Variants in PDE6A observed in about 807,000 individuals in gnomAD.
PDE6A encodes phosphodiesterase 6A, also known as rod cGMP-specific 3',5'-cyclic phosphodiesterase subunit alpha.
Under a neutral mutation model 106.3 loss-of-function variants are expected in PDE6A, and 84 were observed. The ratio of observed to expected loss-of-function variants is 0.79; its 90% CI spans 0.66 to 0.95. PDE6A has a LOEUF of 0.95. Among genes scored for constraint, PDE6A ranks in the 40% least tolerant of loss-of-function variants. PDE6A has a pLI of 0.00. For missense variants in PDE6A, 1,052 were observed against 1,084.9 expected (o/e 0.97, Z 0.43); for synonymous variants, 394 against 386.6 (o/e 1.02, Z -0.23).
intron 1 of PDE6A, among the ~76,000 whole-genome samples, chr5:149,942,516 C>T (rs1264341253): frequency 1.3e-5 from 2 of 151,950 alleles, no homozygotes; most frequent in Non-Finnish European, 2.9e-5. Flanking sequence ...GGGTATTTCT[C>T]GTCAGGTGGG....
intron 8 of PDE6A, among the ~76,000 whole-genome samples, chr5:149,900,366 A>AATATATATCTAT (rs1256037154): frequency 7.8e-5 from 1 of 12,778 alleles, no homozygotes; most frequent in Non-Finnish European, 2.0e-4. Context: ...CATCTCGAAA[A>AATATATATCTAT]ATATATATGT....
intron 1 of PDE6A, among the ~76,000 whole-genome samples, chr5:149,936,330 G>A (rs1754184938): frequency 6.6e-6 from 1 of 152,196 alleles, no homozygotes; most frequent in Admixed American, 6.5e-5. Flanking sequence ...ATTAAGAGAA[G>A]CTTGTAGTGC....
chr5:149,904,948 T>C (rs775714395), intron 7 of PDE6A, among the ~76,000 whole-genome samples: 1 of 152,120 alleles, frequency 6.6e-6, no homozygotes, highest in Non-Finnish European at 1.5e-5. Flanking sequence ...TCGTTACCCA[T>C]CCACTACTCA....
At chr5:149,890,994 T>C (rs186012354) in intron 13 of PDE6A, among the ~76,000 whole-genome samples, 19 of 152,334 alleles carry the variant, frequency 1.2e-4, no homozygotes, top group Non-Finnish European at 2.1e-4. Context: ...GAAATGAAAT[T>C]GGTATTTAAA....
Position 149,884,487 on chromosome 5 carries a change from C to T in PDE6A, c.2019G>A (p.Leu673=). 1 of 1,609,030 alleles carries T rather than the reference C, an allele frequency of 6.2e-7. No homozygotes were observed. Among genetic ancestry groups the T allele is most frequent in the Non-Finnish European group, 8.5e-7 (1 of 1,175,716 alleles). Residue 673 remains leucine (L), a synonymous_variant, in exon 16 of 22, where the codon CTG becomes CTA. Transcript: ENST00000255266. The part of the protein sequence containing the change: ...DIAIIATDLA[L]YFKKRTMFQK... ...TGAGAAGATATACCAACTTGAAATA[C>T]AGGGCGAGGTCTGTGGCAATGATTG...
chr5:149,903,669 C>T lies in PDE6A; in HGVS notation c.1092G>A (p.Ala364=), dbSNP rs774836540. ...TTACCTGAAATGCAAAAAAGTCCTC[C>T]GCAGGCGCATTCATGATGTTGCAAA... The part of the protein sequence containing the change: ...GLICNIMNAP[A]EDFFAFQKEP... The change falls in exon 8 of 22, where the codon GCG becomes GCA. Residue 364 remains alanine (A), a synonymous_variant. Coordinates refer to ENST00000255266, the MANE Select transcript of PDE6A (RefSeq NM_000440.3). 72 of 1,613,818 alleles carry T rather than the reference C, an allele frequency of 4.5e-5. No individual in the cohort carries two copies. The highest frequency in any genetic ancestry group is 1.6e-4 in the South Asian group (15 of 91,076).
intron 17 of PDE6A, among the ~76,000 whole-genome samples, chr5:149,880,088 C>T (rs543249316): frequency 2.6e-5 from 4 of 152,164 alleles, no homozygotes; most frequent in Non-Finnish European, 4.4e-5. Flanking sequence ...CATTATTACT[C>T]TTCCATGTCA....
chr5:149,861,364 G>C (rs868132086), intron 21 of PDE6A, among the ~76,000 whole-genome samples: 12 of 152,230 alleles, frequency 7.9e-5, no homozygotes, highest in African/African-American at 2.9e-4. Flanking sequence ...AGAAAGAAAA[G>C]CTGGGCCAGG....
At chr5:149,885,310 C>T (rs557259882) in intron 14 of PDE6A, among the ~76,000 whole-genome samples, 1 of 152,342 alleles carries the variant, frequency 6.6e-6, no homozygotes, top group South Asian at 2.1e-4. Context: ...TGAGAAGACT[C>T]AGCAGCATGA....
At chr5:149,923,035 C>T (rs1753765553) in intron 4 of PDE6A, among the ~76,000 whole-genome samples, 1 of 152,138 alleles carries the variant, frequency 6.6e-6, no homozygotes, top group South Asian at 2.1e-4. Flanking sequence ...AGACAAATGC[C>T]CTATTGTAAC....
intron 6 of PDE6A, among the ~76,000 whole-genome samples, chr5:149,914,580 G>A (rs185406296): frequency 7.4e-5 from 11 of 149,558 alleles, no homozygotes; most frequent in Admixed American, 2.0e-4. Context: ...AGAGGTAAAC[G>A]CCAATTTCCC....
At position 149,931,158 on chromosome 5, in the gene PDE6A, C is replaced by T; in HGVS notation, c.728G>A (p.Trp243Ter). The stretch of plus-strand genomic sequence containing the variant: ...TTCTTCAAAGACTTTGCTCCCAGAC[C>T]ACAGCAGTATCTGAAAAAACACAAA... ...CETRRGQILL[W>*]SGSKVFEELT... Residue 243 changes from tryptophan to a stop codon, truncating the protein, a stop_gained, in exon 4 of 22, where the codon TGG (tryptophan) becomes TAG (stop). Coordinates refer to ENST00000255266, the MANE Select transcript of PDE6A (RefSeq NM_000440.3). LOFTEE classifies it high-confidence loss of function. The T allele has an allele frequency of 5.6e-6, 9 of 1,614,086 alleles. No individual in the cohort carries two copies. The highest frequency in any genetic ancestry group is 7.6e-6 in the Non-Finnish European group (9 of 1,180,014).
chr5:149,866,338 T>C (rs1248445793), intron 19 of PDE6A, 85 bp from the exon 20 acceptor site: 1 of 953,976 alleles, frequency 1.0e-6, no homozygotes, highest in Non-Finnish European at 1.7e-6. Flanking sequence ...AAAATCAAAC[T>C]GTAAACTCAT....
intron 8 of PDE6A, among the ~76,000 whole-genome samples, chr5:149,902,179 TC>T (rs1042629630): frequency 6.6e-5 from 10 of 152,184 alleles, no homozygotes; most frequent in African/African-American, 2.4e-4. Flanking sequence ...TGCCAGTCTC[TC>T]CCTCAATTTC....
chr5:149,930,253 A>G (rs975970289), intron 4 of PDE6A, among the ~76,000 whole-genome samples: 1 of 152,024 alleles, frequency 6.6e-6, no homozygotes, highest in Non-Finnish European at 1.5e-5. Context: ...GGCTTTTCCA[A>G]CCCCAGATTC....
At chr5:149,929,901 G>A (rs1416684713) in intron 4 of PDE6A, among the ~76,000 whole-genome samples, 3 of 152,072 alleles carry the variant, frequency 2.0e-5, no homozygotes, top group African/African-American at 7.2e-5. Flanking sequence ...TCCCTTTTCT[G>A]TGTCTACGTT....
intron 4 of PDE6A, among the ~76,000 whole-genome samples, chr5:149,924,612 A>G (rs897005811): frequency 6.6e-6 from 1 of 152,344 alleles, no homozygotes; most frequent in East Asian, 1.9e-4. Context: ...ACTTCTGTTC[A>G]TGATGACTCG....
intron 17 of PDE6A, among the ~76,000 whole-genome samples, chr5:149,875,302 A>G (rs921853214): frequency 6.6e-6 from 1 of 152,090 alleles, no homozygotes; most frequent in Non-Finnish European, 1.5e-5. Context: ...GCCAGCCCCA[A>G]ATGTCAACAG....
At position 149,899,441 on chromosome 5, in the gene PDE6A, T is replaced by C. The variant is rs773111348; in HGVS notation, c.1197A>G (p.Gly399=). ...CTTTACGATTGTAAAATGTGGCCAC[T>C]CCAACAATTTCTTCCTTCTTGTTCA... The part of the protein sequence containing the change: ...PIVNKKEEIV[G]VATFYNRKDG... Residue 399 remains glycine (G), a synonymous_variant, in exon 9 of 22, where the codon GGA becomes GGG. Coordinates refer to ENST00000255266, the MANE Select transcript of PDE6A (RefSeq NM_000440.3). 1.2e-6 allele frequency: 2 copies of C among 1,614,078 alleles called. No homozygotes were observed. Among genetic ancestry groups the C allele is most frequent in the South Asian group, 1.1e-5 (1 of 91,080 alleles).
Sources: gnomAD v4.1 joint callset for allele counts (sites outside exome capture counted in the v4.1 genomes callset) on GRCh38, gnomAD v4.1.1 for gene constraint, MANE v1.5 for transcripts, NCBI Gene and HGNC (gene_info 2026-07-23, HGNC 2026-07-21) for gene names.